Variants in PDE5A observed in about 807,000 individuals in gnomAD.
The protein encoded by PDE5A is cGMP-specific 3',5'-cyclic phosphodiesterase.
In PDE5A, 67 loss-of-function variants were observed where a neutral mutation model predicts 110.2. That is an observed-to-expected ratio of 0.61 (90% CI 0.50 to 0.75). The LOEUF is 0.75. Among genes scored for constraint, PDE5A ranks in the 30% least tolerant of loss-of-function variants. The probability of loss-of-function intolerance (pLI) is 0.00; values close to 1 mark genes in which losing one functional copy is unlikely to be tolerated. For synonymous variants in PDE5A, 328 were observed against 351.2 expected (o/e 0.93, Z 0.74); for missense variants, 862 against 1,045.1 (o/e 0.82, Z 2.42).
In PDE5A at chr4:119,627,280, C is replaced by G; in HGVS notation, c.152+1240G>C. The G allele has an allele frequency of 6.6e-7, 1 of 1,526,078 alleles. No homozygotes were observed. 94.5% of individuals were successfully genotyped at this position (1,526,078 alleles called of 1,614,324 possible). ...GTGAGGTGAGGTGAGGTCGGCGACTCAGAACCAGCTCCCTCACGGCCCCGG... is the reference window on the plus strand; with the variant it reads ...GTGAGGTGAGGTGAGGTCGGCGACTGAGAACCAGCTCCCTCACGGCCCCGG... On this transcript the variant is annotated intron_variant, in intron 1 of 20. Coordinates refer to ENST00000354960, the MANE Select transcript of PDE5A (RefSeq NM_001083.4). The surrounding 1 kb of genome is among the most constrained non-coding windows in gnomAD (Gnocchi z 4.6).
intron 12 of PDE5A, among the ~76,000 whole-genome samples, chr4:119,524,886 A>T (rs1726252443): frequency 6.6e-6 from 1 of 152,136 alleles, no homozygotes; most frequent in African/African-American, 2.4e-5. Flanking sequence ...CCAAACTGAT[A>T]TTAGAAGATA....
At chr4:119,571,134 T>C (rs1242442254) in intron 3 of PDE5A, among the ~76,000 whole-genome samples, 1 of 152,120 alleles carries the variant, frequency 6.6e-6, no homozygotes, top group Non-Finnish European at 1.5e-5. Context: ...ATGAGAAAAC[T>C]GAGAGTGAGA....
Position 119,589,903 on chromosome 4 carries a change from C to A in PDE5A, c.831+6620G>T, listed in dbSNP as rs74922883. Among the ~76,000 whole-genome samples, 603 of 152,272 alleles carry A rather than the reference C, an allele frequency of 4.0e-3. 5 individuals are homozygous for A. Among genetic ancestry groups the A allele is most frequent in the African/African-American group, 0.013 (551 of 41,560 alleles). ...GTTGCCACCTCAAGTCCTGCTTCTGCATGTAGCCACATTAAACACATCAGT... is the reference window on the plus strand; with the variant it reads ...GTTGCCACCTCAAGTCCTGCTTCTGAATGTAGCCACATTAAACACATCAGT... On this transcript the variant is annotated intron_variant, in intron 3 of 20. Coordinates refer to ENST00000354960, the MANE Select transcript of PDE5A (RefSeq NM_001083.4).
chr4:119,507,582 C>A, intron 16 of PDE5A, 22 bp downstream of exon 16: 1 of 1,383,014 alleles, frequency 7.2e-7, no homozygotes, highest in Non-Finnish European at 1.0e-6. Flanking sequence ...ACCTATTTCT[C>A]AGGTTATTTC....
intron 11 of PDE5A, 44 bp downstream of exon 11, chr4:119,538,915 AG>A (rs756597481): frequency 7.2e-7 from 1 of 1,396,986 alleles, no homozygotes. Context: ...TGGTTAAATT[AG>A]GTGTCTGTAA....
chr4:119,607,972 C>T (rs907698614), intron 1 of PDE5A, among the ~76,000 whole-genome samples: 15 of 152,106 alleles, frequency 9.9e-5, no homozygotes, highest in African/African-American at 3.6e-4. Context: ...GTTTAAAACA[C>T]ATAACTTGTT....
chr4:119,596,376 GA>G, intron 3 of PDE5A, 146 bp downstream of exon 3: 2 of 450,444 alleles, frequency 4.4e-6, no homozygotes, highest in Non-Finnish European at 3.9e-6. Flanking sequence ...AATCTAAATA[GA>G]AAAAAAATCA....
intron 3 of PDE5A, among the ~76,000 whole-genome samples, chr4:119,592,456 T>TAAAAAAAAAAAAAAAAA (rs55997249): frequency 6.0e-5 from 4 of 66,184 alleles, no homozygotes; most frequent in Non-Finnish European, 7.9e-5. Flanking sequence ...AGACTCTGTT[T>TAAAAAAAAAAAAAAAAA]AAAAAAAAAA....
intron 6 of PDE5A, among the ~76,000 whole-genome samples, chr4:119,561,369 C>T (rs1727740692): frequency 6.6e-6 from 1 of 152,114 alleles, no homozygotes; most frequent in African/African-American, 2.4e-5. Flanking sequence ...CACCTAATTC[C>T]TTTTCTAAAT....
chr4:119,503,864 CT>C (rs1725461105), intron 18 of PDE5A, among the ~76,000 whole-genome samples: 1 of 152,094 alleles, frequency 6.6e-6, no homozygotes, highest in African/African-American at 2.4e-5. Flanking sequence ...GTCCAATTAT[CT>C]GTTTTTAATA....
At chr4:119,529,243 TA>T (rs1726442565) in intron 11 of PDE5A, among the ~76,000 whole-genome samples, 1 of 152,152 alleles carries the variant, frequency 6.6e-6, no homozygotes, top group African/African-American at 2.4e-5. Context: ...CTTCTCTGCC[TA>T]GAATGCATAT....
intron 11 of PDE5A, among the ~76,000 whole-genome samples, chr4:119,538,218 C>T (rs1726797857): frequency 6.6e-6 from 1 of 152,032 alleles, no homozygotes. Context: ...TACATAAGGG[C>T]ACAAAGAGTT....
intron 1 of PDE5A, among the ~76,000 whole-genome samples, chr4:119,622,707 A>G (rs1404121722): frequency 1.3e-5 from 2 of 152,008 alleles, no homozygotes. Context: ...CCCCGTCTCT[A>G]CTAAAAATAT....
At chr4:119,500,592 C>A (rs1311808289) in intron 20 of PDE5A, among the ~76,000 whole-genome samples, 1 of 151,984 alleles carries the variant, frequency 6.6e-6, no homozygotes, top group Non-Finnish European at 1.5e-5. Flanking sequence ...TCCGTTTAAA[C>A]CTTCAAAGAC....
At chr4:119,516,548 G>A (rs1399753813) in intron 14 of PDE5A, among the ~76,000 whole-genome samples, 2 of 152,062 alleles carry the variant, frequency 1.3e-5, no homozygotes. Context: ...TTCTCTAGTG[G>A]TTGTCTGCAC....
chr4:119,618,705 T>TAA (rs58781116), intron 1 of PDE5A, among the ~76,000 whole-genome samples: 14 of 151,732 alleles, frequency 9.2e-5, no homozygotes, highest in South Asian at 4.1e-4. Flanking sequence ...ACAACAAATG[T>TAA]AAAAAAAATA....
intron 8 of PDE5A, among the ~76,000 whole-genome samples, chr4:119,553,128 G>A (rs1035429247): frequency 6.6e-6 from 1 of 151,978 alleles, no homozygotes; most frequent in Non-Finnish European, 1.5e-5. Flanking sequence ...AATCAAGGCA[G>A]CTGCCTCAAA....
chr4:119,615,789 C>A (rs1025215954), intron 1 of PDE5A, among the ~76,000 whole-genome samples: 5 of 152,122 alleles, frequency 3.3e-5, no homozygotes, highest in African/African-American at 1.2e-4. Flanking sequence ...AACTGCCCTG[C>A]AAACCTGGAA....
chr4:119,555,907 C>T (rs1727519021), intron 7 of PDE5A, among the ~76,000 whole-genome samples: 1 of 152,130 alleles, frequency 6.6e-6, no homozygotes, highest in Non-Finnish European at 1.5e-5. Context: ...ATGTTTGTTT[C>T]TTACTCTATA....
Sources: allele counts gnomAD v4.1 joint callset (sites outside exome capture counted in the v4.1 genomes callset), GRCh38; gene constraint gnomAD v4.1.1; non-coding constraint Gnocchi (gnomAD v3.1); transcripts MANE v1.5; gene names NCBI Gene and HGNC (gene_info 2026-07-23, HGNC 2026-07-21).